Variants in SRRM2 observed in about 807,000 individuals in gnomAD.
SRRM2 encodes serine/arginine repetitive matrix protein 2.
A neutral mutation model predicts 213.8 loss-of-function variants in SRRM2; 30 were observed. That is an observed-to-expected ratio of 0.14 (90% CI 0.10 to 0.19). The LOEUF (loss-of-function observed/expected upper bound fraction) is 0.19, where lower values mean the gene tolerates loss of function less well. Ranked by LOEUF, SRRM2 falls within the 10% of genes least tolerant of loss-of-function variation. SRRM2 has a pLI of 1.00. For synonymous variants in SRRM2, 2,025 were observed against 1,377.7 expected, an observed-to-expected ratio of 1.47 and a Z score of -10.40; for missense variants, 4,904 against 3,647.0, an observed-to-expected ratio of 1.34 and a Z score of -8.88.
chr16:2,767,173 G>T lies in SRRM2; in HGVS notation c.6645G>T (p.Val2215=). The change falls in exon 11 of 15, where the codon GTG becomes GTT. Residue 2215 remains valine, a synonymous_variant. Transcript: ENST00000301740. The part of the protein sequence containing the change: ...AARMSQVPAP[V]PLMSLRTAPA... ...GAATGTCCCAGGTTCCAGCCCCGGT[G>T]CCTCTCATGAGTCTCAGAACCGCAC... The T allele has an allele frequency of 6.2e-7, 1 of 1,614,208 alleles. No individual in the cohort carries two copies. Among genetic ancestry groups the T allele is most frequent in the Non-Finnish European group, 8.5e-7 (1 of 1,180,042 alleles).
Position 2,758,992 on chromosome 16 carries a change from G to C in SRRM2, c.601G>C (p.Glu201Gln), listed in dbSNP as rs2068243801. The change falls in exon 6 of 15, where the codon GAG becomes CAG. Residue 201 changes from glutamate (E) to glutamine (Q), a missense_variant. Glu to Gln is a conservative substitution (Grantham distance 29). Coordinates refer to ENST00000301740, the MANE Select transcript of SRRM2 (RefSeq NM_016333.4). ...KKKKDRGRRSESSSPRRERKK... is the reference protein window; with the variant it reads ...KKKKDRGRRSQSSSPRRERKK... The stretch of plus-strand genomic sequence containing the variant: ...TTTTGAATCCATCTTTAGCAGGTCA[G>C]AGAGCAGCTCTCCTCGACGGGAGAG... The C allele has an allele frequency of 6.2e-7, 1 of 1,614,178 alleles. No individual in the cohort carries two copies.
Position 2,764,553 on chromosome 16 carries a change from A to C in SRRM2, c.4025A>C (p.Glu1342Ala). The C allele has an allele frequency of 6.2e-7, 1 of 1,614,246 alleles. No individual in the cohort carries two copies. Among genetic ancestry groups the C allele is most frequent in the Non-Finnish European group, 8.5e-7 (1 of 1,180,046 alleles). ...EFRNSGPLGT[E>A]MNTGFSSEVK... ...AGAAACTCAGGCCCACTTGGTACAG[A>C]AATGAATACTGGATTTTCTTCTGAG... The change falls in exon 11 of 15, where the codon GAA becomes GCA. Residue 1342 changes from glutamate to alanine, a missense_variant. Transcript: ENST00000301740.
chr16:2,761,375 C>T (rs1014891394), intron 10 of SRRM2, among the ~76,000 whole-genome samples, 186 bp from the exon 11 acceptor site: 1 of 152,166 alleles, frequency 6.6e-6, no homozygotes, highest in African/African-American at 2.4e-5. Context: ...TTCTGGCTAT[C>T]CATATATTCA....
chr16:2,769,366 G>A (rs1339721102), intron 12 of SRRM2, 82 bp downstream of exon 12: 25 of 1,450,676 alleles, frequency 1.7e-5, no homozygotes, highest in East Asian at 4.6e-5. Flanking sequence ...TGAGCTCCCC[G>A]CTGGGTGTCT....
Position 2,765,675 on chromosome 16 carries a change from C to G in SRRM2, c.5147C>G (p.Thr1716Ser). Residue 1716 changes from threonine (T) to serine (S), a missense_variant, in exon 11 of 15, where the codon ACT becomes AGT. Transcript: ENST00000301740. ...RSRSASSSPE[T>S]RSRTPPRHRR... ...CGCTCTGCCTCATCCTCACCAGAAA[C>G]TCGCTCTAGAACTCCCCCAAGGCAC... is the stretch of plus-strand genomic sequence containing the variant. 6.2e-7 allele frequency: 1 copy of G among 1,614,140 alleles called. No individual in the cohort carries two copies. The highest frequency in any genetic ancestry group is 8.5e-7 in the Non-Finnish European group (1 of 1,180,014).
At position 2,764,459 on chromosome 16, in the gene SRRM2, T is replaced by C. The variant is rs767545884; in HGVS notation, c.3931T>C (p.Ser1311Pro). 1.2e-6 allele frequency: 2 copies of C among 1,612,952 alleles called. No homozygotes were observed. The highest frequency in any genetic ancestry group is 1.7e-6 in the Non-Finnish European group (2 of 1,179,714). Residue 1311 changes from serine (S) to proline (P), a missense_variant, in exon 11 of 15, where the codon TCT becomes CCT. Transcript: ENST00000301740. Reference sequence around the variant, plus strand: ...CTCATCTTGGGGTGGGCCACATTTTTCTCCAGAACATAAAGAACTGTCTAA... The same window carrying C: ...CTCATCTTGGGGTGGGCCACATTTTCCTCCAGAACATAAAGAACTGTCTAA... The part of the protein sequence containing the change: ...MASSWGGPHF[S>P]PEHKELSNSP...
At position 2,760,419 on chromosome 16, in the gene SRRM2, A is replaced by G. The variant is rs2150774122; in HGVS notation, c.952A>G (p.Thr318Ala). Residue 318 changes from threonine (T) to alanine (A), a missense_variant, in exon 10 of 15, where the codon ACA (threonine) becomes GCA (alanine). Physicochemically the swap from Thr to Ala is moderately conservative, Grantham distance 58 (BLOSUM62 0). Transcript: ENST00000301740. ...TTTCAGTGAACCAGGTACTACCAGC[A>G]CACAACGGCCTAGTAGCCCGGAGAC... ...APFSEPGTTS[T>A]QRPSSPETAT... The G allele has an allele frequency of 1.2e-6, 2 of 1,614,180 alleles. No individual in the cohort carries two copies. The highest frequency in any genetic ancestry group is 1.7e-6 in the Non-Finnish European group (2 of 1,180,036).
rs774248062 is a variant in SRRM2, at chr16:2,767,457, G to A, written c.6929G>A (p.Ser2310Asn). ...ARTPAALAAL[S>N]LTGSGTPPTA... ...ACCCCAGCTGCCTTGGCAGCTCTGA[G>A]TCTCACAGGCTCTGGCACACCACCA... is the stretch of plus-strand genomic sequence containing the variant. Residue 2310 changes from serine (S) to asparagine (N), a missense_variant, in exon 11 of 15, where the codon AGT becomes AAT. By Grantham distance (46) the Ser-to-Asn change is conservative. Transcript: ENST00000301740. 8 of 1,614,070 alleles carry A rather than the reference G, an allele frequency of 5.0e-6. No homozygotes were observed. In the African/African-American group the frequency reaches 9.3e-5, roughly 19 times the overall value.
At position 2,764,850 on chromosome 16, in the gene SRRM2, C is replaced by G; in HGVS notation, c.4322C>G (p.Ser1441Cys). ...LPRTPSRRSR[S>C]GSSPGLRDGS... ...AGAACTCCATCAAGGAGAAGCAGGTCTGGGTCTTCTCCAGGACTTAGAGAT... is the reference window on the plus strand; with the variant it reads ...AGAACTCCATCAAGGAGAAGCAGGTGTGGGTCTTCTCCAGGACTTAGAGAT... Residue 1441 changes from serine (S) to cysteine (C), a missense_variant, in exon 11 of 15, where the codon TCT becomes TGT. Transcript: ENST00000301740. 2.5e-6 allele frequency: 4 copies of G among 1,614,218 alleles called. No individual in the cohort carries two copies. Among genetic ancestry groups the G allele is most frequent in the African/African-American group, 1.3e-5 (1 of 75,050 alleles).
Position 2,768,079 on chromosome 16 carries a change from G to A in SRRM2, c.7551G>A (p.Gln2517=). The A allele has an allele frequency of 6.2e-7, 1 of 1,614,168 alleles. No homozygotes were observed. Among genetic ancestry groups the A allele is most frequent in the Non-Finnish European group, 8.5e-7 (1 of 1,180,018 alleles). The change falls in exon 11 of 15, where the codon CAG becomes CAA. Residue 2517 remains glutamine, a synonymous_variant. Coordinates refer to ENST00000301740, the MANE Select transcript of SRRM2 (RefSeq NM_016333.4). ...CACCTGCCTCTACTGGGGCCCAGCA[G>A]CCTTCTGCATTAGCCGCCCTGCAGC... ...GEPPASTGAQ[Q]PSALAALQPA... is the part of the protein sequence containing the mutation.
chr16:2,762,056 T>A lies in SRRM2; in HGVS notation c.1528T>A (p.Ser510Thr), dbSNP rs2068370480. Residue 510 changes from serine (S) to threonine (T), a missense_variant, in exon 11 of 15, where the codon TCT (serine) becomes ACT (threonine). Physicochemically the swap from Ser to Thr is moderately conservative, Grantham distance 58. Transcript: ENST00000301740. ...CAAGAGAGGTCATTCTCGATCCCGA[T>A]CTCCCCAGTGGCGTAGGTCCAGGTC... ...PTKRGHSRSR[S>T]PQWRRSRSAQ... The A allele has an allele frequency of 1.9e-6, 3 of 1,614,006 alleles. No individual in the cohort carries two copies. The highest frequency in any genetic ancestry group is 8.5e-7 in the Non-Finnish European group (1 of 1,180,028).
chr16:2,762,969 G>A lies in SRRM2; in HGVS notation c.2441G>A (p.Arg814His), dbSNP rs375822528. ...GCTAAATCTAGAACGCCACCCAGAC[G>A]CAGTCGCTCCAGTTCTTCTCCGCCA... ...PKAKSRTPPR[R>H]SRSSSSPPPK... is the part of the protein sequence containing the mutation. Residue 814 changes from arginine (R) to histidine (H), a missense_variant, in exon 11 of 15, where the codon CGC becomes CAC. Arg to His is a conservative substitution (Grantham distance 29). Coordinates refer to ENST00000301740, the MANE Select transcript of SRRM2 (RefSeq NM_016333.4). 2.5e-5 allele frequency: 40 copies of A among 1,613,878 alleles called. No homozygotes were observed. The East Asian group carries it at 6.9e-4, about 28-fold the overall frequency.
intron 10 of SRRM2, 64 bp downstream of exon 10, chr16:2,760,563 A>G: frequency 6.4e-7 from 1 of 1,561,174 alleles, no homozygotes; most frequent in African/African-American, 1.4e-5. Context: ...TAGACATGTG[A>G]TGTGAAAGGG....
At position 2,770,230 on chromosome 16, in the gene SRRM2, G is replaced by T. The variant is rs1457313246; in HGVS notation, c.8022-122G>T. 3 of 1,454,422 alleles carry T rather than the reference G, an allele frequency of 2.1e-6. No individual in the cohort carries two copies. The East Asian group carries it at 7.5e-5, about 36-fold the overall frequency. The allele number at this position is 1,454,422 out of a possible 1,614,324, so 90.1% of individuals were successfully genotyped here. On this transcript the variant is annotated intron_variant, in intron 12 of 14. Transcript: ENST00000301740. ...GATGGGTGAGTGAGCGGACAAAGGT[G>T]GGTCTGAGGCTGGCCCTGTGTGGTG... is the stretch of plus-strand genomic sequence containing the variant.
Position 2,762,573 on chromosome 16 carries a change from G to A in SRRM2, c.2045G>A (p.Arg682His), listed in dbSNP as rs116990973. The A allele has an allele frequency of 6.1e-5, 99 of 1,614,100 alleles. No homozygotes were observed. The highest frequency in any genetic ancestry group is 8.1e-5 in the Non-Finnish European group (95 of 1,180,018). ...RTPARRSGRS[R>H]SRTPARRGRS... ...CCAGCTAGACGCAGTGGTCGCTCAC[G>A]CTCCAGAACACCAGCCAGGAGAGGG... The change falls in exon 11 of 15, where the codon CGC (arginine) becomes CAC (histidine). Residue 682 changes from arginine to histidine, a missense_variant. By Grantham distance (29) the Arg-to-His change is conservative (BLOSUM62 0). Coordinates refer to ENST00000301740, the MANE Select transcript of SRRM2 (RefSeq NM_016333.4).
rs1185729740 is a variant in SRRM2, at chr16:2,762,362, A to G, written c.1834A>G (p.Arg612Gly). 1 of 1,613,884 alleles carries G rather than the reference A, an allele frequency of 6.2e-7. No homozygotes were observed. The highest frequency in any genetic ancestry group is 8.5e-7 in the Non-Finnish European group (1 of 1,179,924). Reference sequence around the variant, plus strand: ...GTCTCGGTCTAGAACACCAGCCCGGAGGGGCAGGTCTCGGTCTAGAACACC... The same window carrying G: ...GTCTCGGTCTAGAACACCAGCCCGGGGGGGCAGGTCTCGGTCTAGAACACC... Reference protein sequence around the residue: ...RRSRSRTPARRGRSRSRTPAR... With the variant: ...RRSRSRTPARGGRSRSRTPAR... The change falls in exon 11 of 15, where the codon AGG (arginine) becomes GGG (glycine). Residue 612 changes from arginine (R) to glycine (G), a missense_variant. By Grantham distance (125) the Arg-to-Gly change is moderately radical. Transcript: ENST00000301740.
rs769028384 is a variant in SRRM2 at position 2,759,375 on chromosome 16, G to A, written c.713G>A (p.Arg238His). The change falls in exon 8 of 15, where the codon CGT becomes CAT. Residue 238 changes from arginine (R) to histidine (H), a missense_variant. Transcript: ENST00000301740. ...KHRSPTPKSK[R>H]KSKDKKRKRS... is the part of the protein sequence containing the mutation. ...AGGTCTCCCACTCCAAAGAGCAAAC[G>A]TAAATCTAAGGACAAAAAGCGAAAG... is the stretch of plus-strand genomic sequence containing the variant. The A allele has an allele frequency of 1.6e-5, 26 of 1,596,370 alleles. No homozygotes were observed. The highest frequency in any genetic ancestry group is 5.4e-5 in the African/African-American group (4 of 73,588).
intron 2 of SRRM2, among the ~76,000 whole-genome samples, chr16:2,757,151 A>G (rs1289563000): frequency 6.6e-6 from 1 of 152,160 alleles, no homozygotes; most frequent in Admixed American, 6.5e-5. Context: ...TTTATACAGT[A>G]TCCCTTACTT....
At chr16:2,768,703 T>G (rs3094792) in intron 11 of SRRM2, 539,513 of 688,252 alleles carry the variant, frequency 0.78, 216,532 homozygotes, top group Admixed American at 0.86. Context: ...GGAAGGAGAC[T>G]ACCCAGCTTC....
Sources: gnomAD v4.1 joint callset for allele counts (sites outside exome capture counted in the v4.1 genomes callset) on GRCh38, gnomAD v4.1.1 for gene constraint, MANE v1.5 for transcripts, NCBI Gene and HGNC (gene_info 2026-07-23, HGNC 2026-07-21) for gene names.